The following YAP1 variants were observed in gnomAD, a reference collection of about 807,000 sequenced individuals.
YAP1 encodes Yes1 associated transcriptional regulator.
In YAP1, 5 loss-of-function variants were observed where a neutral mutation model predicts 56.9. That is an observed-to-expected ratio of 0.09 (90% CI 0.05 to 0.18). YAP1 has a LOEUF of 0.18. YAP1 is among the 10% of genes least tolerant of loss of function. The pLI is 1.00. For synonymous variants in YAP1, 265 were observed against 248.1 expected (o/e 1.07, Z -0.64); for missense variants, 539 against 651.8 (o/e 0.83, Z 1.88).
rs1294790519 is a variant in YAP1 at position 102,114,167 on chromosome 11, A to G, written c.345A>G (p.Ala115=). The change falls in exon 2 of 9, where the codon GCA becomes GCG. Residue 115 remains alanine (A), a synonymous_variant. Transcript: ENST00000282441. The stretch of plus-strand genomic sequence containing the variant: ...AGGCCAGTACTGATGCAGGCACTGC[A>G]GGAGCCCTGACTCCACAGCATGTTC... ...SRQASTDAGT[A]GALTPQHVRA... The G allele has an allele frequency of 6.2e-7, 1 of 1,613,978 alleles. No homozygotes were observed. Among genetic ancestry groups the G allele is most frequent in the South Asian group, 1.1e-5 (1 of 91,076 alleles).
chr11:102,208,243 G>A (rs558972116), intron 5 of YAP1, among the ~76,000 whole-genome samples: 6 of 152,206 alleles, frequency 3.9e-5, no homozygotes, highest in South Asian at 4.1e-4. Context: ...TCAAAATGGC[G>A]TCATTTCCCT....
At chr11:102,164,727 G>GTTT (rs371270623) in intron 3 of YAP1, among the ~76,000 whole-genome samples, 3 of 151,344 alleles carry the variant, frequency 2.0e-5, no homozygotes, top group Admixed American at 6.6e-5. Context: ...GGGTTTTTTT[G>GTTT]TTTTTTTTCT....
rs950073615 is a variant in YAP1 at position 102,231,635 on chromosome 11, CATGA to C, written c.*1698_*1701del. The C allele has an allele frequency of 3.8e-4, 58 of 152,676 alleles. No individual in the cohort carries two copies. The highest frequency in any genetic ancestry group is 1.4e-3 in the African/African-American group (58 of 41,556). 9.5% of individuals were successfully genotyped at this position (152,676 alleles called of 1,614,324 possible). On this transcript the variant is annotated 3_prime_UTR_variant, in exon 9 of 9. Transcript: ENST00000282441. ...GTATTTTTTAAAGGAACAAAACGAG[CATGA>C]ATTAACTCTTCAATATAAGCTATGA...
At chr11:102,225,216 G>A (rs1399403026) in intron 7 of YAP1, among the ~76,000 whole-genome samples, 1 of 151,850 alleles carries the variant, frequency 6.6e-6, no homozygotes, top group Non-Finnish European at 1.5e-5. Context: ...GGGCATGATG[G>A]CTCATGCCTG....
chr11:102,206,569 G>A (rs1235543492), intron 5 of YAP1, among the ~76,000 whole-genome samples: 1 of 152,228 alleles, frequency 6.6e-6, no homozygotes, highest in African/African-American at 2.4e-5. Context: ...CCTTTGGCCA[G>A]GTGCGGTGGC....
At chr11:102,202,890 T>C (rs1040068449) in intron 4 of YAP1, among the ~76,000 whole-genome samples, 1 of 152,162 alleles carries the variant, frequency 6.6e-6, no homozygotes, top group African/African-American at 2.4e-5. Flanking sequence ...TTGCCAAAAA[T>C]TGTGATCAGG....
chr11:102,186,746 A>G (rs952835001), intron 4 of YAP1: 1 of 152,292 alleles, frequency 6.6e-6, no homozygotes, highest in Non-Finnish European at 1.5e-5. Flanking sequence ...TGCACAAAGG[A>G]ACCCCTCCCC....
chr11:102,209,428 A>C, intron 5 of YAP1, 89 bp from the exon 6 acceptor site: 2 of 1,165,618 alleles, frequency 1.7e-6, no homozygotes, highest in South Asian at 2.7e-5. Flanking sequence ...TGCTATGGTG[A>C]TATGTCTGGA....
At chr11:102,127,820 G>A (rs2135207731) in intron 2 of YAP1, among the ~76,000 whole-genome samples, 2 of 152,304 alleles carry the variant, frequency 1.3e-5, no homozygotes, top group Admixed American at 1.3e-4. Flanking sequence ...AACCACAGGG[G>A]CGGAGCTGCC....
At chr11:102,186,729 T>C (rs1947971909) in intron 4 of YAP1, 1 of 152,612 alleles carries the variant, frequency 6.6e-6, no homozygotes, top group Non-Finnish European at 1.5e-5. Context: ...CATGAATAAA[T>C]CACATTTGCA....
intron 2 of YAP1, among the ~76,000 whole-genome samples, chr11:102,154,797 A>G (rs574800995): frequency 1.1e-4 from 17 of 152,168 alleles, no homozygotes; most frequent in Non-Finnish European, 2.2e-4. Flanking sequence ...TTAACACCCA[A>G]TGTGTTACTA....
At chr11:102,148,069 T>C (rs1565458389) in intron 2 of YAP1, among the ~76,000 whole-genome samples, 1 of 152,228 alleles carries the variant, frequency 6.6e-6, no homozygotes, top group Non-Finnish European at 1.5e-5. Context: ...CTTGGTTATT[T>C]AGAATAATTA....
intron 6 of YAP1, among the ~76,000 whole-genome samples, chr11:102,222,156 G>A (rs746407506): frequency 6.6e-6 from 1 of 152,192 alleles, no homozygotes; most frequent in African/African-American, 2.4e-5. Flanking sequence ...ACCCCATGGC[G>A]ATTGTGGAGG....
In YAP1 at chr11:102,232,266, G is replaced by A. The variant is rs1353723785; in HGVS notation, c.*2326G>A. On this transcript the variant is annotated 3_prime_UTR_variant, in exon 9 of 9. Transcript: ENST00000282441. ...CAGATTAGCTTTAGCTTAGGGGGAGGGTGGGAAAGTTTGGGGGGGGGGTTG... is the reference window on the plus strand; with the variant it reads ...CAGATTAGCTTTAGCTTAGGGGGAGAGTGGGAAAGTTTGGGGGGGGGGTTG... 2 of 144,402 alleles carry A rather than the reference G, an allele frequency of 1.4e-5. No homozygotes were observed. The highest frequency in any genetic ancestry group is 3.0e-5 in the Non-Finnish European group (2 of 66,360). 8.9% of individuals were successfully genotyped at this position (144,402 alleles called of 1,614,324 possible).
intron 3 of YAP1, among the ~76,000 whole-genome samples, chr11:102,167,666 G>A (rs528284618): frequency 3.9e-5 from 6 of 152,262 alleles, no homozygotes; most frequent in East Asian, 3.9e-4. Context: ...CCCAGGAGGC[G>A]GAGGTTGCAA....
Position 102,172,282 on chromosome 11 carries a change from A to G in YAP1, c.688+9711A>G, listed in dbSNP as rs1591311188. 6.6e-5 allele frequency among the ~76,000 whole-genome samples: 10 copies of G among 151,252 alleles called. No homozygotes were observed. The South Asian group carries it at 2.1e-3, about 32-fold the overall frequency. Reference sequence around the variant, plus strand: ...GAGGAACACATGAGTCAGTAGTGGAAAGGAAGAACAGTGAAGAATTTTTTT... The same window carrying G: ...GAGGAACACATGAGTCAGTAGTGGAGAGGAAGAACAGTGAAGAATTTTTTT... On this transcript the variant is annotated intron_variant, in intron 3 of 8. Coordinates refer to ENST00000282441, the MANE Select transcript of YAP1 (RefSeq NM_001130145.3).
chr11:102,193,752 T>G (rs1948423765), intron 4 of YAP1, among the ~76,000 whole-genome samples: 1 of 152,206 alleles, frequency 6.6e-6, no homozygotes, highest in Non-Finnish European at 1.5e-5. Flanking sequence ...TAGTTTAAAC[T>G]AATGCCTTAT....
Position 102,114,399 on chromosome 11 carries a change from G to T in YAP1, c.572+5G>T. 1 of 1,605,644 alleles carries T rather than the reference G, an allele frequency of 6.2e-7. No homozygotes were observed. Among genetic ancestry groups the T allele is most frequent in the Non-Finnish European group, 8.5e-7 (1 of 1,172,596 alleles). On this transcript the variant is annotated splice_donor_5th_base_variant and intron_variant, in intron 2 of 8. Transcript: ENST00000282441. The stretch of plus-strand genomic sequence containing the variant: ...TGGTCAGAGATACTTCTTAAAGTAA[G>T]TGAAAATAATGGTGGGAGACAGTTA...
intron 2 of YAP1, among the ~76,000 whole-genome samples, chr11:102,141,452 A>G (rs1945018457): frequency 6.6e-6 from 1 of 152,140 alleles, no homozygotes; most frequent in African/African-American, 2.4e-5. Context: ...GGTGGGTGCA[A>G]TGGTAAGAAG....
Sources: allele counts gnomAD v4.1 joint callset (sites outside exome capture counted in the v4.1 genomes callset), GRCh38; gene constraint gnomAD v4.1.1; transcripts MANE v1.5; gene names NCBI Gene and HGNC (gene_info 2026-07-23, HGNC 2026-07-21).